The following LINGO1 variants were observed in gnomAD, a reference collection of about 807,000 sequenced individuals.
LINGO1 encodes leucine rich repeat and Ig domain containing 1.
A neutral mutation model predicts 37.3 loss-of-function variants in LINGO1; 11 were observed. That is an observed-to-expected ratio of 0.29 (90% CI 0.19 to 0.49). The LOEUF is 0.49. LINGO1 is among the 20% of genes least tolerant of loss of function. The probability of loss-of-function intolerance (pLI) is 0.99; values close to 1 mark genes in which losing one functional copy is unlikely to be tolerated. For synonymous variants in LINGO1, 387 were observed against 403.0 expected (o/e 0.96, Z 0.48); for missense variants, 585 against 878.2 (o/e 0.67, Z 4.22).
Position 77,615,658 on chromosome 15 carries a change from G to C in LINGO1, c.249C>G (p.Ile83Met), listed in dbSNP as rs1413117169. Residue 83 changes from isoleucine to methionine, a missense_variant, in exon 2 of 2, where the codon ATC becomes ATG. By Grantham distance (10) the Ile-to-Met change is conservative (BLOSUM62 1). Transcript: ENST00000355300. ...TRLLDLGKNR[I>M]KTLNQDEFAS... is the part of the protein sequence containing the mutation. ...CGAACTCGTCCTGGTTGAGCGTTTT[G>C]ATGCGGTTCTTGCCTAGGTCCAGCA... 1 of 1,611,228 alleles carries C rather than the reference G, an allele frequency of 6.2e-7. No homozygotes were observed. The highest frequency in any genetic ancestry group is 8.5e-7 in the Non-Finnish European group (1 of 1,178,608).
chr15:77,630,817 G>A (rs1020875228), intron 1 of LINGO1, among the ~76,000 whole-genome samples: 10 of 152,148 alleles, frequency 6.6e-5, no homozygotes, highest in Admixed American at 5.2e-4. Flanking sequence ...GGTGCTGCTG[G>A]GATCCCCGAT....
intron 3 of LINGO1, among the ~76,000 whole-genome samples, chr15:77,670,749 A>T (rs1337910229): frequency 6.6e-6 from 1 of 152,246 alleles, no homozygotes; most frequent in Non-Finnish European, 1.5e-5. Flanking sequence ...TCGGTGCAGC[A>T]GGACCCAGGG....
rs573287145 is a variant in LINGO1, at chr15:77,775,909, C to T, written c.-257+10960G>A. Among the ~76,000 whole-genome samples the T allele has an allele frequency of 4.6e-5, 7 of 152,318 alleles. No homozygotes were observed. In the South Asian group the frequency reaches 1.5e-3, roughly 32 times the overall value. The stretch of plus-strand genomic sequence containing the variant: ...CACGCAGTTCCAGGCCTTCGTTCCT[C>T]CGTCAGCATCCCCCCCATGCCCTCA... On this transcript the variant is annotated intron_variant, in intron 1 of 3. Transcript: ENST00000561686.
At chr15:77,696,048 T>C (rs1481923882) in intron 1 of LINGO1, 1 of 152,226 alleles carries the variant, frequency 6.6e-6, no homozygotes, top group East Asian at 1.9e-4. Context: ...GAGTTCAGGC[T>C]GAGGAAACTA....
chr15:77,709,330 C>T (rs192743852), intron 2 of LINGO1, among the ~76,000 whole-genome samples: 156 of 152,342 alleles, frequency 1.0e-3, no homozygotes, highest in African/African-American at 3.6e-3. Context: ...GGACAGCTCC[C>T]AAGGCAGGTT....
At chr15:77,788,852 C>A (rs1161956200), upstream of LINGO1, among the ~76,000 whole-genome samples, 13 of 152,142 alleles carry the variant, frequency 8.5e-5, no homozygotes, top group Non-Finnish European at 1.6e-4. Flanking sequence ...TCCTCCTAAC[C>A]CAGTGATGGG....
chr15:77,630,904 C>T lies in LINGO1; in HGVS notation c.6+1406G>A, dbSNP rs540377963. 2.6e-5 allele frequency among the ~76,000 whole-genome samples: 4 copies of T among 152,332 alleles called. No homozygotes were observed. In the South Asian group the frequency reaches 8.3e-4, roughly 32 times the overall value. ...CCGGTGCCACCCTATACCCTCCCTC[C>T]CACCTCGGGCCACGGGTAGAAAGCA... On this transcript the variant is annotated intron_variant, in intron 1 of 1. Coordinates refer to ENST00000355300, the MANE Select transcript of LINGO1 (RefSeq NM_032808.7).
chr15:77,798,268 G>A (rs903824242), intron 1 of LINGO1, among the ~76,000 whole-genome samples: 4 of 152,310 alleles, frequency 2.6e-5, no homozygotes, highest in East Asian at 1.9e-4. Flanking sequence ...CACTGTCAGC[G>A]GCCTCCCAAG....
At chr15:77,755,969 G>A (rs1010287127) in intron 1 of LINGO1, among the ~76,000 whole-genome samples, 2 of 152,160 alleles carry the variant, frequency 1.3e-5, no homozygotes, top group African/African-American at 2.4e-5. Context: ...CTGACTCCTC[G>A]GTGGGAGCAG....
At chr15:77,628,669 G>C (rs1882416025) in intron 1 of LINGO1, among the ~76,000 whole-genome samples, 1 of 152,144 alleles carries the variant, frequency 6.6e-6, no homozygotes, top group African/African-American at 2.4e-5. Context: ...TTGGAGAGTA[G>C]GGTAACAGTG....
intron 1 of LINGO1, among the ~76,000 whole-genome samples, chr15:77,756,485 GACACACAC>G (rs35031617): frequency 0.024 from 3,350 of 140,702 alleles, 125 homozygotes; most frequent in African/African-American, 0.088. Flanking sequence ...CAGACAGACA[GACACACAC>G]ACACACACAC....
chr15:77,810,951 C>T (rs1042745647), intron 1 of LINGO1, among the ~76,000 whole-genome samples: 10 of 152,146 alleles, frequency 6.6e-5, no homozygotes, highest in South Asian at 2.1e-4. Flanking sequence ...GAGGCCCTCC[C>T]GGATGTCCAC....
chr15:77,702,888 T>C (rs550934187), intron 2 of LINGO1, among the ~76,000 whole-genome samples: 1 of 152,304 alleles, frequency 6.6e-6, no homozygotes, highest in African/African-American at 2.4e-5. Flanking sequence ...TAATACTTCT[T>C]CTGACTTAAA....
rs555713221 is a variant in LINGO1, at chr15:77,745,303, G to A, written c.-256-10250C>T. Among the ~76,000 whole-genome samples, 4 of 151,734 alleles carry A rather than the reference G, an allele frequency of 2.6e-5. No homozygotes were observed. In the South Asian group the frequency reaches 6.3e-4, roughly 24 times the overall value. ...TAGCCAGGCGTGGTGGTGGGCGCTT[G>A]TAGTCCCAGCTACTTGGAAGGCTGA... On this transcript the variant is annotated intron_variant, in intron 1 of 3. Transcript: ENST00000561686.
chr15:77,695,381 G>A (rs1358024402), intron 1 of LINGO1, among the ~76,000 whole-genome samples: 3 of 152,152 alleles, frequency 2.0e-5, no homozygotes, highest in Non-Finnish European at 4.4e-5. Flanking sequence ...CAGCTGAATG[G>A]ACATGGGAAC....
At chr15:77,761,106 T>G (rs1047739556) in intron 1 of LINGO1, among the ~76,000 whole-genome samples, 8 of 151,486 alleles carry the variant, frequency 5.3e-5, no homozygotes, top group African/African-American at 1.9e-4. Context: ...TTTTTTTTTT[T>G]TGTATTTTTA....
intron 3 of LINGO1, among the ~76,000 whole-genome samples, chr15:77,664,168 T>TGC (rs1459404193): frequency 0.07 from 8,344 of 119,480 alleles, 300 homozygotes; most frequent in Middle Eastern, 0.1. Context: ...TGTGTGTGTG[T>TGC]GTGCGCGCGC....
At chr15:77,748,929 T>C (rs1478983855) in intron 1 of LINGO1, among the ~76,000 whole-genome samples, 25 of 135,458 alleles carry the variant, frequency 1.8e-4, no homozygotes, top group Non-Finnish European at 2.9e-4. Flanking sequence ...TTTTTTTTTT[T>C]TGGAGTCTCG....
upstream of LINGO1, among the ~76,000 whole-genome samples, chr15:77,789,937 A>C (rs79546080): frequency 2.6e-5 from 4 of 151,732 alleles, no homozygotes; most frequent in Non-Finnish European, 5.9e-5. Flanking sequence ...ACGACCAGCT[A>C]TTTTTTTTAT....
Sources: allele counts gnomAD v4.1 joint callset (sites outside exome capture counted in the v4.1 genomes callset), GRCh38; gene constraint gnomAD v4.1.1; transcripts MANE v1.5; gene names NCBI Gene and HGNC (gene_info 2026-07-23, HGNC 2026-07-21).